Variants in BICD1 observed in about 807,000 individuals in gnomAD.
BICD1 encodes the protein BICD cargo adaptor 1.
BICD1 carries 35 observed loss-of-function variants against 92.5 expected under a neutral mutation model. The ratio of observed to expected loss-of-function variants is 0.38; its 90% CI spans 0.29 to 0.50. The LOEUF (loss-of-function observed/expected upper bound fraction) is 0.50, where lower values mean the gene tolerates loss of function less well. Ranked by LOEUF, BICD1 falls within the 20% of genes least tolerant of loss-of-function variation. The probability of loss-of-function intolerance (pLI) is 0.93; values close to 1 mark genes in which losing one functional copy is unlikely to be tolerated. For synonymous variants in BICD1, 429 were observed against 465.1 expected (o/e 0.92, Z 1.00); for missense variants, 950 against 1,189.8 (o/e 0.80, Z 2.97).
intron 2 of BICD1, among the ~76,000 whole-genome samples, chr12:32,259,883 T>A (rs555243027): frequency 2.6e-5 from 4 of 152,086 alleles, no homozygotes; most frequent in Admixed American, 6.6e-5. Flanking sequence ...ACAAGCTGTG[T>A]GTCTGTGGGC....
At chr12:32,201,273 A>C (rs2121549249) in intron 1 of BICD1, among the ~76,000 whole-genome samples, 1 of 152,340 alleles carries the variant, frequency 6.6e-6, no homozygotes, top group Non-Finnish European at 1.5e-5. Context: ...ACAATGCCTC[A>C]GCTGATTTCA....
At chr12:32,146,768 TTTC>T (rs1943116168) in intron 1 of BICD1, among the ~76,000 whole-genome samples, 2 of 151,376 alleles carry the variant, frequency 1.3e-5, no homozygotes, top group South Asian at 4.2e-4. Flanking sequence ...AGCTTTCTTA[TTTC>T]TTCTTCTCCT....
In BICD1 at chr12:32,244,459, C is replaced by T. The variant is rs530090916; in HGVS notation, c.426+28000C>T. Reference sequence around the variant, plus strand: ...TAATCTCTCTTCAGGCTGCAACACACAGCACTTGAGGCAGGCTGTCATTAA... The same window carrying T: ...TAATCTCTCTTCAGGCTGCAACACATAGCACTTGAGGCAGGCTGTCATTAA... On this transcript the variant is annotated intron_variant, in intron 2 of 9. Coordinates refer to ENST00000652176, the MANE Select transcript of BICD1 (RefSeq NM_001714.4). Among the ~76,000 whole-genome samples the T allele has an allele frequency of 1.1e-3, 171 of 152,288 alleles. 1 individual carries two copies. Among genetic ancestry groups the T allele is most frequent in the Non-Finnish European group, 1.6e-3 (110 of 68,020 alleles).
Position 32,129,712 on chromosome 12 carries a change from CTCTT to C in BICD1, c.213+22173_213+22176del, listed in dbSNP as rs371187228. On this transcript the variant is annotated intron_variant, in intron 1 of 9. Transcript: ENST00000652176. ...CATTAAGAAATAAGACTTTTCCAGTCTCTTTCTTAACCCTGTACCCTTTTCTTTC... is the reference window on the plus strand; with the variant it reads ...CATTAAGAAATAAGACTTTTCCAGTCTCTTAACCCTGTACCCTTTTCTTTC... Among the ~76,000 whole-genome samples, 717 of 152,168 alleles carry C rather than the reference CTCTT, an allele frequency of 4.7e-3. 5 individuals carry two copies. Among genetic ancestry groups the C allele is most frequent in the African/African-American group, 0.016 (660 of 41,512 alleles).
At chr12:32,233,806 C>A (rs1315214293) in intron 2 of BICD1, among the ~76,000 whole-genome samples, 1 of 151,950 alleles carries the variant, frequency 6.6e-6, no homozygotes, top group Admixed American at 6.6e-5. Flanking sequence ...CAATTTTAAT[C>A]TTTTTTTTAC....
intron 1 of BICD1, among the ~76,000 whole-genome samples, chr12:32,114,290 G>A (rs1223555773): frequency 6.6e-6 from 1 of 152,208 alleles, no homozygotes; most frequent in African/African-American, 2.4e-5. Flanking sequence ...TTACAGGCAT[G>A]AGCCATTGTG....
intron 1 of BICD1, among the ~76,000 whole-genome samples, chr12:32,173,060 T>A (rs1943992899): frequency 1.3e-5 from 2 of 148,510 alleles, no homozygotes; most frequent in Admixed American, 6.7e-5. Flanking sequence ...TTTTTTTGTT[T>A]TTTTTGGAGA....
chr12:32,238,202 C>G (rs1383072125), intron 2 of BICD1, among the ~76,000 whole-genome samples: 1 of 152,040 alleles, frequency 6.6e-6, no homozygotes, highest in Non-Finnish European at 1.5e-5. Context: ...GAGTTCAAGA[C>G]CAGCCTGGGC....
intron 1 of BICD1, among the ~76,000 whole-genome samples, chr12:32,210,139 T>C (rs1298563278): frequency 2.6e-5 from 4 of 152,320 alleles, no homozygotes; most frequent in Non-Finnish European, 4.4e-5. Flanking sequence ...TTTTTTGTTT[T>C]CCCAGAACAT....
At chr12:32,131,482 C>T (rs1199739404) in intron 1 of BICD1, among the ~76,000 whole-genome samples, 1 of 152,096 alleles carries the variant, frequency 6.6e-6, no homozygotes, top group Non-Finnish European at 1.5e-5. Context: ...TACTCTGAGG[C>T]TTACAAAAAT....
chr12:32,245,185 T>C (rs761091563), intron 2 of BICD1, among the ~76,000 whole-genome samples: 25 of 152,144 alleles, frequency 1.6e-4, no homozygotes, highest in Non-Finnish European at 3.4e-4. Flanking sequence ...ACTAGAATTA[T>C]ATAACTCTAT....
At chr12:32,226,323 C>A (rs1350615396) in intron 2 of BICD1, among the ~76,000 whole-genome samples, 1 of 151,984 alleles carries the variant, frequency 6.6e-6, no homozygotes, top group Non-Finnish European at 1.5e-5. Flanking sequence ...TTAGTAGAGA[C>A]AGGGTTTCAC....
chr12:32,358,988 T>G (rs566105192), intron 8 of BICD1, among the ~76,000 whole-genome samples: 19 of 152,270 alleles, frequency 1.2e-4, no homozygotes, highest in African/African-American at 3.8e-4. Flanking sequence ...TAATGAATAG[T>G]TTGAAAGAAC....
intron 1 of BICD1, among the ~76,000 whole-genome samples, chr12:32,144,023 C>T (rs1040492996): frequency 6.6e-6 from 1 of 152,072 alleles, no homozygotes; most frequent in Admixed American, 6.6e-5. Flanking sequence ...TATATTCTGG[C>T]CCCTAGTCCT....
chr12:32,213,691 A>T (rs1165926586), intron 1 of BICD1, among the ~76,000 whole-genome samples: 1 of 152,032 alleles, frequency 6.6e-6, no homozygotes, highest in Admixed American at 6.6e-5. Context: ...GAGCCACCGC[A>T]CCCGGCCCCC....
At chr12:32,266,821 G>A (rs1238608772) in intron 2 of BICD1, among the ~76,000 whole-genome samples, 3 of 148,622 alleles carry the variant, frequency 2.0e-5, no homozygotes, top group South Asian at 2.1e-4. Flanking sequence ...TCACGTCACC[G>A]CACTCTAGCC....
At chr12:32,278,192 T>C (rs1241386691) in intron 2 of BICD1, among the ~76,000 whole-genome samples, 6 of 152,208 alleles carry the variant, frequency 3.9e-5, no homozygotes, top group Non-Finnish European at 8.8e-5. Flanking sequence ...CACATCTGTT[T>C]AGTGTATTAC....
chr12:32,113,736 A>G (rs1340889390), intron 1 of BICD1, among the ~76,000 whole-genome samples: 2 of 127,556 alleles, frequency 1.6e-5, no homozygotes, highest in Admixed American at 1.6e-4. Flanking sequence ...TTGAGCTGGA[A>G]TCTCACTCTA....
intron 1 of BICD1, among the ~76,000 whole-genome samples, chr12:32,165,362 A>G (rs1461822969): frequency 4.6e-5 from 7 of 152,098 alleles, no homozygotes; most frequent in Admixed American, 3.9e-4. Flanking sequence ...GAAAATACAA[A>G]AAAATTAGAC....
Sources: gnomAD v4.1 joint callset for allele counts (sites outside exome capture counted in the v4.1 genomes callset) on GRCh38, gnomAD v4.1.1 for gene constraint, MANE v1.5 for transcripts, NCBI Gene and HGNC (gene_info 2026-07-23, HGNC 2026-07-21) for gene names.